CSMD1: variants seen among roughly 807,000 people sequenced by gnomAD.
CSMD1 encodes the protein CUB and sushi domain-containing protein 1.
In CSMD1, 213 loss-of-function variants were observed where a neutral mutation model predicts 417.5. The ratio of observed to expected loss-of-function variants is 0.51; its 90% CI spans 0.46 to 0.57. The LOEUF (loss-of-function observed/expected upper bound fraction) is 0.57. Ranked by LOEUF, CSMD1 falls within the 20% of genes least tolerant of loss-of-function variation. The pLI, the probability that CSMD1 is intolerant of heterozygous loss-of-function variation, is 0.00. For synonymous variants in CSMD1, 2,862 were observed against 1,736.8 expected (o/e 1.65, Z -16.11); for missense variants, 6,923 against 4,529.7 (o/e 1.53, Z -15.17).
chr8:3,518,021 G>C (rs73503651), intron 10 of CSMD1, among the ~76,000 whole-genome samples: 3 of 152,088 alleles, frequency 2.0e-5, no homozygotes, highest in African/African-American at 7.2e-5. Flanking sequence ...AACAACTCTA[G>C]AAAATTATCT....
At chr8:3,314,389 G>A (rs4403431) in intron 23 of CSMD1, among the ~76,000 whole-genome samples, 54,844 of 151,988 alleles carry the variant, frequency 0.36, 10,685 homozygotes, top group Non-Finnish European at 0.43. Context: ...CTGAAGAGTA[G>A]TAACTTTAAA....
intron 12 of CSMD1, among the ~76,000 whole-genome samples, chr8:3,435,325 G>A (rs147716856): frequency 6.6e-6 from 1 of 152,254 alleles, no homozygotes; most frequent in East Asian, 1.9e-4. Flanking sequence ...TGGGGCAGAG[G>A]GGCTGAAACA....
At chr8:3,273,542 G>A (rs1802036555) in intron 26 of CSMD1, among the ~76,000 whole-genome samples, 2 of 152,140 alleles carry the variant, frequency 1.3e-5, no homozygotes, top group South Asian at 2.1e-4. Flanking sequence ...GTAGAATTCG[G>A]TTGTGAGTCC....
At chr8:4,830,946 G>A (rs1254360293) in intron 1 of CSMD1, among the ~76,000 whole-genome samples, 2 of 152,128 alleles carry the variant, frequency 1.3e-5, no homozygotes, top group South Asian at 2.1e-4. Flanking sequence ...GAAATTATCT[G>A]CTGCCTGAAG....
intron 3 of CSMD1, among the ~76,000 whole-genome samples, chr8:4,146,993 C>A (rs531543107): frequency 5.1e-4 from 78 of 152,080 alleles, no homozygotes; most frequent in African/African-American, 1.8e-3. Flanking sequence ...CCAGCACTTC[C>A]TGTCCATCCA....
At chr8:3,360,820 CT>C (rs1365220925) in intron 20 of CSMD1, among the ~76,000 whole-genome samples, 7 of 151,554 alleles carry the variant, frequency 4.6e-5, no homozygotes, top group Non-Finnish European at 7.4e-5. Context: ...CCAACTGATC[CT>C]TTTCCCCTTA....
chr8:3,465,700 T>A (rs1031029845), intron 12 of CSMD1, among the ~76,000 whole-genome samples: 1 of 152,178 alleles, frequency 6.6e-6, no homozygotes, highest in African/African-American at 2.4e-5. Flanking sequence ...TCAGTAAGGG[T>A]TGACATGGGT....
At chr8:3,080,244 T>G (rs1409558117) in intron 49 of CSMD1, among the ~76,000 whole-genome samples, 1 of 152,166 alleles carries the variant, frequency 6.6e-6, no homozygotes, top group Non-Finnish European at 1.5e-5. Context: ...TTTGAGATAA[T>G]ACAGAGAATT....
At chr8:4,702,219 C>T (rs1356890007) in intron 1 of CSMD1, among the ~76,000 whole-genome samples, 2 of 152,088 alleles carry the variant, frequency 1.3e-5, no homozygotes, top group Non-Finnish European at 2.9e-5. Flanking sequence ...ACATGTTTAC[C>T]TTTGGAACAA....
At chr8:3,671,786 G>C (rs1337597567) in intron 7 of CSMD1, among the ~76,000 whole-genome samples, 1 of 151,738 alleles carries the variant, frequency 6.6e-6, no homozygotes, top group Non-Finnish European at 1.5e-5. Context: ...AAATTGGAAA[G>C]AGCAGCCCTG....
intron 49 of CSMD1, among the ~76,000 whole-genome samples, chr8:3,055,908 C>T (rs1040700243): frequency 1.3e-5 from 2 of 152,096 alleles, no homozygotes; most frequent in African/African-American, 4.8e-5. Flanking sequence ...GTTATTAAGA[C>T]CTATGTCAAA....
chr8:4,042,277 G>C (rs1037667067), intron 3 of CSMD1, among the ~76,000 whole-genome samples: 2 of 152,096 alleles, frequency 1.3e-5, no homozygotes, highest in African/African-American at 2.4e-5. Flanking sequence ...AATCTTTAAA[G>C]CATCCCTACT....
chr8:4,611,041 T>C (rs1157558395), intron 2 of CSMD1, among the ~76,000 whole-genome samples: 1 of 152,174 alleles, frequency 6.6e-6, no homozygotes, highest in African/African-American at 2.4e-5. Flanking sequence ...TTTTTTTCTT[T>C]TTGGTCTATT....
At chr8:4,618,009 T>A (rs1161651436) in intron 2 of CSMD1, among the ~76,000 whole-genome samples, 2 of 152,220 alleles carry the variant, frequency 1.3e-5, no homozygotes, top group Non-Finnish European at 1.5e-5. Context: ...AGATTTCTCT[T>A]GGCCAGTTTT....
chr8:4,479,748 G>C (rs1297986670), intron 2 of CSMD1, among the ~76,000 whole-genome samples: 10 of 151,722 alleles, frequency 6.6e-5, no homozygotes, highest in African/African-American at 2.2e-4. Flanking sequence ...ACAAAAATTA[G>C]CTTCCTTAGA....
intron 10 of CSMD1, among the ~76,000 whole-genome samples, chr8:3,563,405 A>C (rs1301196245): frequency 7.4e-6 from 1 of 134,934 alleles, no homozygotes; most frequent in Non-Finnish European, 1.6e-5. Flanking sequence ...TTGTAAAAAA[A>C]AGTTCAAATG....
chr8:3,644,231 G>A (rs1342005889), intron 7 of CSMD1, among the ~76,000 whole-genome samples: 1 of 152,194 alleles, frequency 6.6e-6, no homozygotes, highest in African/African-American at 2.4e-5. Context: ...AACTCCCCAG[G>A]TCGTTGAGGT....
chr8:4,819,363 A>G (rs1585153783), intron 1 of CSMD1, among the ~76,000 whole-genome samples: 1 of 152,308 alleles, frequency 6.6e-6, no homozygotes, highest in East Asian at 1.9e-4. Context: ...TTTACTTGAC[A>G]TGGAAATAGG....
intron 1 of CSMD1, among the ~76,000 whole-genome samples, chr8:4,721,027 T>G (rs1809021333): frequency 6.6e-6 from 1 of 152,204 alleles, no homozygotes; most frequent in African/African-American, 2.4e-5. Flanking sequence ...TTATTGTGTT[T>G]ATAGCATTAT....
Sources: gnomAD v4.1 joint callset for allele counts (sites outside exome capture counted in the v4.1 genomes callset) on GRCh38, gnomAD v4.1.1 for gene constraint, MANE v1.5 for transcripts, NCBI Gene and HGNC (gene_info 2026-07-23, HGNC 2026-07-21) for gene names.